CDK5RAP1: variants seen among roughly 807,000 people sequenced by gnomAD.
CDK5RAP1 encodes mitochondrial tRNA methylthiotransferase CDK5RAP1.
CDK5RAP1 carries 62 observed loss-of-function variants against 64.5 expected under a neutral mutation model. The ratio of observed to expected loss-of-function variants is 0.96; its 90% confidence interval spans 0.78 to 1.19. CDK5RAP1 has a LOEUF of 1.19. Among genes scored for constraint, CDK5RAP1 ranks in the 50% most tolerant of loss-of-function variants. The pLI, the probability that CDK5RAP1 is intolerant of heterozygous loss-of-function variation, is 0.00. For missense variants in CDK5RAP1, 657 were observed against 735.0 expected (o/e 0.89, Z 1.23); for synonymous variants, 250 against 261.9 (o/e 0.95, Z 0.44).
rs561665250 is a variant in CDK5RAP1 at position 33,369,226 on chromosome 20, G to A, written c.1392+1273C>T. 1.6e-3 allele frequency among the ~76,000 whole-genome samples: 251 copies of A among 152,176 alleles called. 1 individual carries two copies. Among genetic ancestry groups the A allele is most frequent in the African/African-American group, 5.7e-3 (237 of 41,522 alleles). On this transcript the variant is annotated intron_variant, in intron 11 of 13. Coordinates refer to ENST00000346416, the MANE Select transcript of CDK5RAP1 (RefSeq NM_016408.4). ...GGGCCAGGCACAGTGGCTCACACCT[G>A]TAATCCCAGCACTTTGGGAGGCCGA...
intron 3 of CDK5RAP1, 97 bp from the exon 4 acceptor site, chr20:33,394,163 C>CT: frequency 1.1e-6 from 1 of 870,512 alleles, no homozygotes; most frequent in Non-Finnish European, 1.8e-6. Context: ...ATTTTTTTTT[C>CT]CTTTTTTTTT....
At chr20:33,391,249 T>TAAA (rs60730257) in intron 5 of CDK5RAP1, among the ~76,000 whole-genome samples, 67 of 107,328 alleles carry the variant, frequency 6.2e-4, no homozygotes, top group African/African-American at 1.5e-3. Context: ...ACTCTGTTTT[T>TAAA]AAAAAAAAAA....
At chr20:33,360,055 G>A (rs753646460) in intron 13 of CDK5RAP1, 39 of 342,030 alleles carry the variant, frequency 1.1e-4, no homozygotes, top group Middle Eastern at 8.7e-4. Context: ...CTACTCACTC[G>A]AAATCACTCC....
intron 12 of CDK5RAP1, among the ~76,000 whole-genome samples, chr20:33,364,679 A>G (rs1479750151): frequency 6.6e-6 from 1 of 151,876 alleles, no homozygotes; most frequent in East Asian, 1.9e-4. Context: ...GGTTCAAGCC[A>G]TTCTCTTGCC....
intron 6 of CDK5RAP1, among the ~76,000 whole-genome samples, chr20:33,386,542 A>T (rs1273358926): frequency 6.6e-6 from 1 of 152,102 alleles, no homozygotes; most frequent in Admixed American, 6.6e-5. Context: ...AGAATTCTAC[A>T]TTTCTCACGC....
intron 1 of CDK5RAP1, among the ~76,000 whole-genome samples, chr20:33,400,564 A>C (rs1175062826): frequency 1.3e-5 from 2 of 152,192 alleles, no homozygotes; most frequent in Admixed American, 6.5e-5. Context: ...CTTGAGATAC[A>C]GTAAGCGTTC....
rs906307604 is a variant in CDK5RAP1, at chr20:33,401,446, T to G, written c.-39A>C. On this transcript the variant is annotated 5_prime_UTR_variant, in exon 1 of 14. Coordinates refer to ENST00000346416, the MANE Select transcript of CDK5RAP1 (RefSeq NM_016408.4). ...TGCTCACCTCCCGCAGCAGCAACAG[T>G]GCCCGGGGTCCCGCAGCGTAAGTTC... 34 of 985,362 alleles carry G rather than the reference T, an allele frequency of 3.5e-5. No individual in the cohort carries two copies. Among genetic ancestry groups the G allele is most frequent in the Non-Finnish European group, 4.0e-5 (33 of 829,956 alleles). 61.0% of individuals were successfully genotyped at this position (985,362 alleles called of 1,614,324 possible). A position where few individuals can be genotyped will look rare whatever the true frequency, so the allele number is the denominator to read the frequency against.
rs1326176694 is a variant in CDK5RAP1 at position 33,396,978 on chromosome 20, C to T, written c.87G>A (p.Met29Ile). The T allele has an allele frequency of 6.2e-7, 1 of 1,614,056 alleles. No homozygotes were observed. Among genetic ancestry groups the T allele is most frequent in the African/African-American group, 1.3e-5 (1 of 74,928 alleles). Residue 29 changes from methionine to isoleucine, a missense_variant, in exon 2 of 14, where the codon ATG becomes ATA. Coordinates refer to ENST00000346416, the MANE Select transcript of CDK5RAP1 (RefSeq NM_016408.4). ...LASVSWLSLR[M>I]CRAHSSLSST... ...TAGAGAGACTGCTGTGTGCCCTGCA[C>T]ATCCTCAGCGACAGCCAAGACACAG...
intron 9 of CDK5RAP1, 176 bp from the exon 10 acceptor site, chr20:33,372,873 T>G (rs1041941364): frequency 4.4e-6 from 2 of 458,798 alleles, no homozygotes; most frequent in South Asian, 8.0e-5. Flanking sequence ...TATCTTCTAA[T>G]CTAATCTAGA....
chr20:33,379,403 G>T, intron 8 of CDK5RAP1, 58 bp downstream of exon 8: 1 of 1,286,416 alleles, frequency 7.8e-7, no homozygotes, highest in Non-Finnish European at 1.1e-6. Context: ...ACTGGGTCCA[G>T]CCTTTGGCAT....
At chr20:33,391,657 C>A (rs1988340285) in intron 5 of CDK5RAP1, among the ~76,000 whole-genome samples, 1 of 151,986 alleles carries the variant, frequency 6.6e-6, no homozygotes, top group Admixed American at 6.6e-5. Context: ...CCCGTCTCTA[C>A]TAAAAATACA....
chr20:33,397,286 G>C (rs1259032537), intron 1 of CDK5RAP1, among the ~76,000 whole-genome samples: 1 of 152,208 alleles, frequency 6.6e-6, no homozygotes, highest in Non-Finnish European at 1.5e-5. Flanking sequence ...CCAGAGATGA[G>C]ATGCAAATCC....
rs6088206 is a variant in CDK5RAP1, at chr20:33,394,021, C to A, written c.443+11G>T. On this transcript the variant is annotated intron_variant, in intron 4 of 13. Transcript: ENST00000346416. ...AATACATTCACTCCTAGGAAAAGAA[C>A]AAATTCGCACCTGATAGAGCATGTG... The A allele has an allele frequency of 1.3e-6, 2 of 1,579,466 alleles. No individual in the cohort carries two copies. The highest frequency in any genetic ancestry group is 2.7e-5 in the African/African-American group (2 of 74,352).
intron 7 of CDK5RAP1, among the ~76,000 whole-genome samples, chr20:33,382,542 A>G (rs1358181564): frequency 6.6e-6 from 1 of 152,038 alleles, no homozygotes; most frequent in Admixed American, 6.5e-5. Flanking sequence ...TGAGCTAAGT[A>G]TGGTGGCGCA....
chr20:33,401,352 G>C, intron 1 of CDK5RAP1, 76 bp downstream of exon 1: 1 of 967,468 alleles, frequency 1.0e-6, no homozygotes. Context: ...GCGCTTCCCG[G>C]GATCCGCGGC....
At chr20:33,377,814 G>GCTAATTTTT (rs982560476) in intron 8 of CDK5RAP1, among the ~76,000 whole-genome samples, 2 of 152,142 alleles carry the variant, frequency 1.3e-5, no homozygotes, top group Non-Finnish European at 2.9e-5. Context: ...ACCAAACCCA[G>GCTAATTTTT]CTAATTTTTC....
chr20:33,388,970 G>A (rs1987880160), intron 5 of CDK5RAP1, among the ~76,000 whole-genome samples: 1 of 152,142 alleles, frequency 6.6e-6, no homozygotes, highest in Non-Finnish European at 1.5e-5. Context: ...ACCTCCGCTC[G>A]CTACAACCTC....
At chr20:33,371,013 G>A (rs1169201447) in intron 10 of CDK5RAP1, among the ~76,000 whole-genome samples, 13 of 152,230 alleles carry the variant, frequency 8.5e-5, no homozygotes, top group Non-Finnish European at 1.6e-4. Flanking sequence ...AGTAGCAGCC[G>A]TTGCATGCGG....
chr20:33,380,024 T>A (rs1371323495), intron 7 of CDK5RAP1, among the ~76,000 whole-genome samples: 2 of 152,210 alleles, frequency 1.3e-5, no homozygotes, highest in Non-Finnish European at 2.9e-5. Context: ...CATGACTATA[T>A]AAAGTATTCT....
Sources: allele counts gnomAD v4.1 joint callset (sites outside exome capture counted in the v4.1 genomes callset), GRCh38; gene constraint gnomAD v4.1.1; transcripts MANE v1.5; gene names NCBI Gene and HGNC (gene_info 2026-07-23, HGNC 2026-07-21).